The following HIBCH variants were observed in gnomAD, a reference collection of about 807,000 sequenced individuals.
The protein encoded by HIBCH is 3-hydroxyisobutyryl-CoA hydrolase, mitochondrial.
A neutral mutation model predicts 58.2 loss-of-function variants in HIBCH; 50 were observed. The ratio of observed to expected loss-of-function variants is 0.86; its 90% CI spans 0.68 to 1.09. The LOEUF (loss-of-function observed/expected upper bound fraction) is 1.09. Ranked by LOEUF, HIBCH falls within the 50% of genes least tolerant of loss-of-function variation. HIBCH has a pLI of 0.00. For missense variants in HIBCH, 450 were observed against 449.7 expected, an observed-to-expected ratio of 1.00 and a Z score of -0.01; for synonymous variants, 151 against 146.9, an observed-to-expected ratio of 1.03 and a Z score of -0.20.
In HIBCH at chr2:190,254,770, C is replaced by T. The variant is rs1380445756; in HGVS notation, c.518-2463G>A. Among the ~76,000 whole-genome samples the T allele has an allele frequency of 6.6e-6, 1 of 152,132 alleles. No individual in the cohort carries two copies. The highest frequency in any genetic ancestry group is 1.5e-5 in the Non-Finnish European group (1 of 68,038). ...TTTCAAATCTATTCACTCTTTTCAA[C>T]TCTATACCTCCAAACTACTCCAAAG... On this transcript the variant is annotated intron_variant, in intron 7 of 13. Transcript: ENST00000359678. This position sits in a 1 kb window ranked among gnomAD's most constrained non-coding sequence, Gnocchi z 5.0.
chr2:190,240,589 T>C (rs995747476), intron 11 of HIBCH, among the ~76,000 whole-genome samples: 6 of 152,246 alleles, frequency 3.9e-5, no homozygotes, highest in Non-Finnish European at 8.8e-5. Context: ...AGGGTGTCAA[T>C]TTTAGATCTT....
chr2:190,228,493 A>G (rs1270465353), intron 11 of HIBCH, among the ~76,000 whole-genome samples: 2 of 152,078 alleles, frequency 1.3e-5, no homozygotes, highest in African/African-American at 4.8e-5. Flanking sequence ...TGGCACATAT[A>G]CAAAAGTAAC....
chr2:190,199,345 C>CA (rs941782843), downstream of HIBCH, among the ~76,000 whole-genome samples: 6 of 152,048 alleles, frequency 3.9e-5, no homozygotes, highest in Admixed American at 3.3e-4. Flanking sequence ...CATGGCTGTA[C>CA]AAAAATAGGT....
rs1391161668 is a variant in HIBCH, at chr2:190,204,811, A to C, written c.*306T>G. On this transcript the variant is annotated 3_prime_UTR_variant, in exon 14 of 14. Coordinates refer to ENST00000359678, the MANE Select transcript of HIBCH (RefSeq NM_014362.4). ...GATTGACAAACTTTTTTCTGACAAAAACCAGACAGTAAATAATTAGGCTTT... is the reference window on the plus strand; with the variant it reads ...GATTGACAAACTTTTTTCTGACAAACACCAGACAGTAAATAATTAGGCTTT... 1.1e-5 allele frequency: 3 copies of C among 280,430 alleles called. No homozygotes were observed. In the East Asian group the frequency reaches 2.5e-4, roughly 24 times the overall value. The allele number at this position is 280,430 out of a possible 1,614,324, so 17.4% of individuals were successfully genotyped here.
At position 190,319,562 on chromosome 2, in the gene HIBCH, T is replaced by C. The variant is rs751893150; in HGVS notation, c.35+154A>G. Among the ~76,000 whole-genome samples the C allele has an allele frequency of 7.6e-4, 100 of 131,488 alleles. 2 individuals carry two copies. The highest frequency in any genetic ancestry group is 2.6e-4 in the Non-Finnish European group (16 of 61,778). 86.3% of individuals were successfully genotyped at this position (131,488 alleles called of 152,430 possible). ...AGAAAGGAAAGACAGGGACGGGGGC[T>C]GGGGCTTGGGGAGGGCCAAGGTTGG... On this transcript the variant is annotated intron_variant, in intron 1 of 13. Transcript: ENST00000359678.
intron 5 of HIBCH, among the ~76,000 whole-genome samples, chr2:190,288,338 A>AT (rs1687882390): frequency 2.0e-5 from 3 of 151,862 alleles, no homozygotes; most frequent in African/African-American, 7.2e-5. Flanking sequence ...TGGAAGATCC[A>AT]AAGTCCAACA....
At chr2:190,240,114 G>A (rs1686407957) in intron 11 of HIBCH, among the ~76,000 whole-genome samples, 1 of 152,216 alleles carries the variant, frequency 6.6e-6, no homozygotes, top group Non-Finnish European at 1.5e-5. Flanking sequence ...ATTCGGCTGT[G>A]AATCCATCTA....
At chr2:190,294,739 T>C in intron 3 of HIBCH, 109 bp from the exon 4 acceptor site, 1 of 752,980 alleles carries the variant, frequency 1.3e-6, no homozygotes, top group Non-Finnish European at 2.4e-6. Context: ...CATATGTGTT[T>C]GTGACAGTAC....
chr2:190,278,933 T>C (rs1293581346), intron 6 of HIBCH, among the ~76,000 whole-genome samples: 1 of 152,208 alleles, frequency 6.6e-6, no homozygotes, highest in East Asian at 1.9e-4. Context: ...AAACATCTTA[T>C]ATTAAGAAAT....
At chr2:190,283,087 C>T (rs981756727) in intron 6 of HIBCH, among the ~76,000 whole-genome samples, 38 of 152,084 alleles carry the variant, frequency 2.5e-4, no homozygotes, top group African/African-American at 9.2e-4. Context: ...TGTTGGTGCT[C>T]CAAATATTTC....
At position 190,287,673 on chromosome 2, in the gene HIBCH, G is replaced by T. The variant is rs769443783; in HGVS notation, c.386-35C>A. 7 of 1,468,234 alleles carry T rather than the reference G, an allele frequency of 4.8e-6. No homozygotes were observed. The African/African-American group carries it at 8.4e-5, about 18-fold the overall frequency. The allele number at this position is 1,468,234 out of a possible 1,614,324, so 91.0% of individuals were successfully genotyped here. Reference sequence around the variant, plus strand: ...ACAGAGCTGTAATTTTAGTTACAGTGTTTAAAATACATTCCCTTTTTCTTA... The same window carrying T: ...ACAGAGCTGTAATTTTAGTTACAGTTTTTAAAATACATTCCCTTTTTCTTA... On this transcript the variant is annotated intron_variant, in intron 5 of 13. Transcript: ENST00000359678.
intron 7 of HIBCH, among the ~76,000 whole-genome samples, chr2:190,255,588 A>G (rs542845345): frequency 6.6e-6 from 1 of 152,220 alleles, no homozygotes; most frequent in Non-Finnish European, 1.5e-5. Context: ...ATCAAGCAAT[A>G]AAGAAAAGTG....
intron 11 of HIBCH, among the ~76,000 whole-genome samples, chr2:190,230,061 C>T (rs940792351): frequency 6.6e-6 from 1 of 152,088 alleles, no homozygotes; most frequent in Non-Finnish European, 1.5e-5. Flanking sequence ...TAATAGTTGC[C>T]TCTGTTGTAA....
intron 11 of HIBCH, among the ~76,000 whole-genome samples, chr2:190,226,867 A>G (rs947510821): frequency 1.4e-4 from 21 of 152,200 alleles, no homozygotes; most frequent in Admixed American, 8.5e-4. Context: ...AATCCAACTT[A>G]CAAGGGATGT....
downstream of HIBCH, chr2:190,202,290 T>C (rs948389436): frequency 6.0e-6 from 1 of 167,060 alleles, no homozygotes; most frequent in Non-Finnish European, 1.5e-5. Flanking sequence ...ATATCTTCTG[T>C]ACAATATTTC....
intron 7 of HIBCH, among the ~76,000 whole-genome samples, chr2:190,255,701 T>C (rs988330228): frequency 1.3e-5 from 2 of 152,140 alleles, no homozygotes; most frequent in East Asian, 1.9e-4. Context: ...TTTGAGAAGA[T>C]GAAGCTGAGT....
intron 12 of HIBCH, among the ~76,000 whole-genome samples, chr2:190,212,063 T>C (rs1357964725): frequency 6.6e-6 from 1 of 152,220 alleles, no homozygotes; most frequent in African/African-American, 2.4e-5. Flanking sequence ...TATAACAATT[T>C]CTTCATCTGT....
chr2:190,310,822 G>A, intron 1 of HIBCH, 26 bp from the exon 2 acceptor site: 1 of 1,525,206 alleles, frequency 6.6e-7, no homozygotes, highest in Non-Finnish European at 9.1e-7. Flanking sequence ...AAAACAATGA[G>A]AACAGTAATG....
chr2:190,298,620 T>C (rs192398839), intron 2 of HIBCH, among the ~76,000 whole-genome samples: 19 of 152,230 alleles, frequency 1.2e-4, no homozygotes, highest in Non-Finnish European at 2.5e-4. Flanking sequence ...TTAAGTTCCT[T>C]GGAGATTCTA....
Sources: allele counts gnomAD v4.1 joint callset (sites outside exome capture counted in the v4.1 genomes callset), GRCh38; gene constraint gnomAD v4.1.1; non-coding constraint Gnocchi (gnomAD v3.1); transcripts MANE v1.5; gene names NCBI Gene and HGNC (gene_info 2026-07-23, HGNC 2026-07-21).